Variants in DEPDC5 observed in about 807,000 individuals in gnomAD.
The protein encoded by DEPDC5 is DEP domain containing 5, GATOR1 subcomplex subunit.
In DEPDC5, 73 loss-of-function variants were observed where a neutral mutation model predicts 217.3. That is an observed-to-expected ratio of 0.34 (90% CI 0.28 to 0.41). DEPDC5 has a LOEUF of 0.41. Among genes scored for constraint, DEPDC5 ranks in the 10% least tolerant of loss-of-function variants. DEPDC5 has a pLI of 1.00. For synonymous variants in DEPDC5, 733 were observed against 756.7 expected, an observed-to-expected ratio of 0.97 and a Z score of 0.51; for missense variants, 1,675 against 2,070.1, an observed-to-expected ratio of 0.81 and a Z score of 3.70.
At chr22:31,791,713 G>A (rs2085663131) in intron 10 of DEPDC5, among the ~76,000 whole-genome samples, 1 of 151,350 alleles carries the variant, frequency 6.6e-6, no homozygotes. Context: ...CGGATCACGA[G>A]GTCAGGAGAT....
intron 17 of DEPDC5, 74 bp downstream of exon 17, chr22:31,804,989 T>C (rs951939380): frequency 1.4e-6 from 2 of 1,410,004 alleles, no homozygotes; most frequent in African/African-American, 1.4e-5. Context: ...TTTAAATCTG[T>C]TAAGTTCTTA....
intron 33 of DEPDC5, among the ~76,000 whole-genome samples, chr22:31,863,792 G>A (rs981433310): frequency 2.0e-5 from 3 of 152,086 alleles, no homozygotes; most frequent in South Asian, 2.1e-4. Flanking sequence ...GGCTCGTGGC[G>A]TGCGCCTGTA....
intron 38 of DEPDC5, among the ~76,000 whole-genome samples, chr22:31,893,327 C>T (rs2093480845): frequency 6.6e-6 from 1 of 152,152 alleles, no homozygotes; most frequent in Non-Finnish European, 1.5e-5. Flanking sequence ...ACGTTTGTGG[C>T]TGCTTTTGCA....
intron 7 of DEPDC5, among the ~76,000 whole-genome samples, chr22:31,771,553 C>G (rs1354745769): frequency 6.6e-6 from 1 of 151,920 alleles, no homozygotes; most frequent in East Asian, 1.9e-4. Flanking sequence ...AACCCCATCT[C>G]TACTAAAAAT....
intron 7 of DEPDC5, among the ~76,000 whole-genome samples, chr22:31,772,042 G>A (rs1392719695): frequency 6.6e-6 from 1 of 151,846 alleles, no homozygotes; most frequent in African/African-American, 2.4e-5. Flanking sequence ...CTTCTAGCCT[G>A]GGTGACAGAG....
At chr22:31,891,683 A>G (rs139506332) in intron 38 of DEPDC5, among the ~76,000 whole-genome samples, 1 of 152,168 alleles carries the variant, frequency 6.6e-6, no homozygotes, top group African/African-American at 2.4e-5. Flanking sequence ...TGTTGAATTC[A>G]TGGGGGTAAG....
chr22:31,782,358 A>G (rs572114070), intron 8 of DEPDC5, among the ~76,000 whole-genome samples: 2 of 152,136 alleles, frequency 1.3e-5, no homozygotes, highest in South Asian at 4.2e-4. Context: ...GCTGGTCTCC[A>G]GTTCCTGACC....
chr22:31,876,133 T>C, intron 36 of DEPDC5, 24 bp from the exon 37 acceptor site: 1 of 1,609,096 alleles, frequency 6.2e-7, no homozygotes. Flanking sequence ...TGCAGGAATT[T>C]CAGAGTTTCA....
intron 39 of DEPDC5, among the ~76,000 whole-genome samples, chr22:31,895,710 A>G (rs776970734): frequency 6.6e-6 from 1 of 151,138 alleles, no homozygotes; most frequent in Non-Finnish European, 1.5e-5. Flanking sequence ...TTTTTTGTCC[A>G]GAGCTCATAG....
chr22:31,876,103 G>T, intron 36 of DEPDC5, 54 bp from the exon 37 acceptor site: 2 of 1,537,106 alleles, frequency 1.3e-6, no homozygotes, highest in Admixed American at 3.4e-5. Context: ...ACTGAGGGCT[G>T]CCCCTTCAAG....
chr22:31,792,724 A>G (rs1422788084), intron 11 of DEPDC5, 21 bp from the exon 12 acceptor site: 1 of 1,535,038 alleles, frequency 6.5e-7, no homozygotes, highest in African/African-American at 1.4e-5. Flanking sequence ...TGAACTACAT[A>G]CTCCGTTTTC....
chr22:31,884,673 C>T (rs2093263204), intron 38 of DEPDC5, among the ~76,000 whole-genome samples: 1 of 152,168 alleles, frequency 6.6e-6, no homozygotes, highest in Non-Finnish European at 1.5e-5. Flanking sequence ...GTCCAGTGGC[C>T]TTTATTACCC....
At chr22:31,794,885 CAAAA>C (rs200278726) in intron 12 of DEPDC5, among the ~76,000 whole-genome samples, 1 of 150,938 alleles carries the variant, frequency 6.6e-6, no homozygotes, top group South Asian at 2.1e-4. Flanking sequence ...GACCCTGTCT[CAAAA>C]AAAACAAAAC....
At position 31,906,828 on chromosome 22, in the gene DEPDC5, A is replaced by G. The variant is rs930159146; in HGVS notation, c.*331A>G. The G allele has an allele frequency of 2.8e-5, 12 of 431,428 alleles. No homozygotes were observed. The highest frequency in any genetic ancestry group is 2.0e-4 in the African/African-American group (10 of 50,664). The allele number at this position is 431,428 out of a possible 1,614,324, so 26.7% of individuals were successfully genotyped here. A position where few individuals can be genotyped will look rare whatever the true frequency, so the allele number is the denominator to read the frequency against. On this transcript the variant is annotated 3_prime_UTR_variant, in exon 43 of 43. Transcript: ENST00000651528. The surrounding 1 kb of genome is among the most constrained non-coding windows in gnomAD (Gnocchi z 5.1). The stretch of plus-strand genomic sequence containing the variant: ...AGGCGGCCCCCATGAATGTCCTCGG[A>G]AGGGGGTGGCTCCTGGTAGCATCCT...
intron 2 of DEPDC5, chr22:31,755,425 T>TTGGG (rs1249692903): frequency 1.1e-5 from 2 of 181,416 alleles, no homozygotes; most frequent in Non-Finnish European, 2.4e-5. Flanking sequence ...GGATACAGCA[T>TTGGG]GTTATTCTGC....
intron 10 of DEPDC5, among the ~76,000 whole-genome samples, chr22:31,791,491 C>G (rs1245121704): frequency 2.0e-5 from 3 of 150,500 alleles, no homozygotes; most frequent in Non-Finnish European, 4.4e-5. Flanking sequence ...ACAAAAATTA[C>G]CCAGGTGGCC....
At position 31,897,598 on chromosome 22, in the gene DEPDC5, C is replaced by T. The variant is rs1434494187; in HGVS notation, c.4320C>T (p.Phe1440=). The change falls in exon 40 of 43, where the codon TTC becomes TTT. Residue 1440 remains phenylalanine, a synonymous_variant. Transcript: ENST00000651528. ...GCGACCCCCTTCGTGCCCAGCTCTT[C>T]ATCCCACTCAACATCAGCTGCTTGC... The part of the protein sequence containing the change: ...LYGDPLRAQL[F]IPLNISCLLK... 1 of 1,614,170 alleles carries T rather than the reference C, an allele frequency of 6.2e-7. No homozygotes were observed. Among genetic ancestry groups the T allele is most frequent in the Admixed American group, 1.7e-5 (1 of 60,012 alleles).
intron 8 of DEPDC5, among the ~76,000 whole-genome samples, chr22:31,783,415 C>A (rs1209313449): frequency 1.3e-5 from 2 of 152,118 alleles, no homozygotes; most frequent in Non-Finnish European, 2.9e-5. Context: ...CCTGAAGGAA[C>A]CACCTCCGGA....
chr22:31,833,967 C>A lies in DEPDC5; in HGVS notation c.2157C>A (p.Thr719=), dbSNP rs1208180919. ...ATTCTCTAGAGGACAGTGTTTCTAC[C>A]TCTCCAGACCCAAGTAAGAGGGGGC... ...NKDSLEDSVS[T]SPDPILTLSA... The change falls in exon 25 of 43, where the codon ACC becomes ACA. Residue 719 remains threonine (T), a synonymous_variant. Coordinates refer to ENST00000651528, the MANE Select transcript of DEPDC5 (RefSeq NM_001242896.3). 6.2e-7 allele frequency: 1 copy of A among 1,613,330 alleles called. No homozygotes were observed. Among genetic ancestry groups the A allele is most frequent in the East Asian group, 2.2e-5 (1 of 44,880 alleles).
Sources: gnomAD v4.1 joint callset for allele counts (sites outside exome capture counted in the v4.1 genomes callset) on GRCh38, gnomAD v4.1.1 for gene constraint, Gnocchi (gnomAD v3.1) non-coding constraint, MANE v1.5 for transcripts, NCBI Gene and HGNC (gene_info 2026-07-23, HGNC 2026-07-21) for gene names.